Variants in APOLD1 observed in about 807,000 individuals in gnomAD.
APOLD1 encodes the protein apolipoprotein L domain-containing protein 1.
A neutral mutation model predicts 15.3 loss-of-function variants in APOLD1; 22 were observed. The observed-to-expected ratio is 1.44, with a 90% CI of 1.03 to 2.05. The LOEUF is 2.05. Among genes scored for constraint, APOLD1 ranks in the 30% most tolerant of loss-of-function variants. The pLI is 0.00. For synonymous variants in APOLD1, 190 were observed against 167.4 expected (o/e 1.13, Z -1.04); for missense variants, 394 against 353.5 (o/e 1.11, Z -0.92).
intron 1 of APOLD1, among the ~76,000 whole-genome samples, chr12:12,768,478 AAAAAC>A (rs1410493268): frequency 1.3e-5 from 2 of 152,000 alleles, no homozygotes; most frequent in African/African-American, 4.8e-5. Flanking sequence ...ACAGAAAATT[AAAAAC>A]AAAACAAAAC....
At chr12:12,786,343 G>C (rs1179254191) in intron 1 of APOLD1, among the ~76,000 whole-genome samples, 1 of 152,146 alleles carries the variant, frequency 6.6e-6, no homozygotes, top group African/African-American at 2.4e-5. Context: ...ATCACAAGCA[G>C]AAGAGTTGCT....
chr12:12,750,345 C>G (rs928637668), intron 1 of APOLD1, among the ~76,000 whole-genome samples: 9 of 123,790 alleles, frequency 7.3e-5, no homozygotes, highest in African/African-American at 2.6e-4. Flanking sequence ...GCATTTCAGC[C>G]TGGTCAACAA....
intron 1 of APOLD1, 183 bp from the exon 2 acceptor site, chr12:12,786,726 G>T (rs1947127489): frequency 1.0e-6 from 1 of 985,264 alleles, no homozygotes; most frequent in African/African-American, 1.7e-5. Flanking sequence ...GGCTCCCCCC[G>T]GATTCCAGAA....
At chr12:12,760,157 C>T (rs59812149) in intron 1 of APOLD1, among the ~76,000 whole-genome samples, 20,261 of 151,938 alleles carry the variant, frequency 0.13, 1,495 homozygotes, top group South Asian at 0.25. Flanking sequence ...GGCAACATGA[C>T]GAAACCCCCT....
chr12:12,757,204 C>T (rs946482101), intron 1 of APOLD1, among the ~76,000 whole-genome samples: 10 of 152,172 alleles, frequency 6.6e-5, no homozygotes, highest in East Asian at 3.8e-4. Flanking sequence ...GACTCAGGCT[C>T]ATGTTTTCAG....
intron 1 of APOLD1, among the ~76,000 whole-genome samples, chr12:12,732,824 G>T (rs1946651281): frequency 6.6e-6 from 1 of 151,436 alleles, no homozygotes; most frequent in Non-Finnish European, 1.5e-5. Context: ...TATGACTAAA[G>T]ATATATTTAT....
Position 12,788,912 on chromosome 12 carries a change from G to C in APOLD1, c.*1260G>C, listed in dbSNP as rs1030179973. 2 of 152,152 alleles carry C rather than the reference G, an allele frequency of 1.3e-5. No homozygotes were observed. Among genetic ancestry groups the C allele is most frequent in the Admixed American group, 6.5e-5 (1 of 15,268 alleles). 9.4% of individuals were successfully genotyped at this position (152,152 alleles called of 1,614,324 possible). A position where few individuals can be genotyped will look rare whatever the true frequency, so the allele number is the denominator to read the frequency against. On this transcript the variant is annotated 3_prime_UTR_variant, in exon 2 of 2. Transcript: ENST00000356591. ...AATGAGAGAGAGAGAGAGAGAGCAC[G>C]CGTACGTGCACCCTGGGGCAGTGTC... is the stretch of plus-strand genomic sequence containing the variant.
At chr12:12,765,181 A>T (rs1946934735) in intron 1 of APOLD1, among the ~76,000 whole-genome samples, 1 of 152,136 alleles carries the variant, frequency 6.6e-6, no homozygotes, top group African/African-American at 2.4e-5. Flanking sequence ...TCCAATCATG[A>T]TGGAAGGTGA....
intron 1 of APOLD1, chr12:12,726,267 A>G: frequency 1.4e-6 from 1 of 726,054 alleles, no homozygotes; most frequent in Non-Finnish European, 2.4e-6. Flanking sequence ...TATTGAATTA[A>G]ATTTTAAAAA....
chr12:12,754,589 C>A (rs1301635639), intron 1 of APOLD1, among the ~76,000 whole-genome samples: 8 of 152,014 alleles, frequency 5.3e-5, no homozygotes, highest in Non-Finnish European at 4.4e-5. Flanking sequence ...GCTGTGACTA[C>A]CTGGCTAATT....
At chr12:12,773,249 G>A (rs1947001900) in intron 1 of APOLD1, among the ~76,000 whole-genome samples, 1 of 152,124 alleles carries the variant, frequency 6.6e-6, no homozygotes, top group Non-Finnish European at 1.5e-5. Flanking sequence ...AGAAAAAGAA[G>A]AACAAATTAA....
At chr12:12,777,889 G>GTTTTTTT (rs71436735) in intron 1 of APOLD1, among the ~76,000 whole-genome samples, 11 of 117,124 alleles carry the variant, frequency 9.4e-5, no homozygotes, top group Non-Finnish European at 1.4e-4. Flanking sequence ...AAGGAAAGGT[G>GTTTTTTT]TTTTTTTTTT....
At chr12:12,733,129 C>T (rs1012135310) in intron 1 of APOLD1, among the ~76,000 whole-genome samples, 2 of 147,976 alleles carry the variant, frequency 1.4e-5, no homozygotes, top group African/African-American at 5.0e-5. Context: ...GCCTGGGCAA[C>T]GTGGTGAAAC....
chr12:12,735,458 C>T (rs1446500866), intron 1 of APOLD1, among the ~76,000 whole-genome samples: 1 of 152,008 alleles, frequency 6.6e-6, no homozygotes. Context: ...GTGAGCCAAG[C>T]AGAACACAGT....
At chr12:12,738,121 A>G (rs2136371908) in intron 1 of APOLD1, among the ~76,000 whole-genome samples, 1 of 150,190 alleles carries the variant, frequency 6.7e-6, no homozygotes, top group African/African-American at 2.4e-5. Context: ...CTATTTTATT[A>G]TTATGTTTTT....
intron 1 of APOLD1, among the ~76,000 whole-genome samples, chr12:12,774,743 A>C (rs1947018955): frequency 6.6e-6 from 1 of 152,062 alleles, no homozygotes; most frequent in South Asian, 2.1e-4. Context: ...TCACAACAGC[A>C]ATGAGGTACC....
chr12:12,787,178 GC>G lies in APOLD1; in HGVS notation c.274del (p.Leu92TrpfsTer18), dbSNP rs895086414. 1.9e-6 allele frequency: 3 copies of G among 1,538,688 alleles called. No individual in the cohort carries two copies. The highest frequency in any genetic ancestry group is 2.3e-5 in the East Asian group (1 of 44,288). On this transcript the variant is annotated frameshift_variant, in exon 2 of 2. Transcript: ENST00000356591. LOFTEE classifies it high-confidence loss of function. The surrounding 1 kb of genome is among the most constrained non-coding windows in gnomAD (Gnocchi z 4.9). ...CCTCGCTGCTGGTGTCGGCCGTGGG[GC>G]TGGGGGTGGCCACAGCCGGAGGGGC... is the stretch of plus-strand genomic sequence containing the variant. ...GTSLLVSAVGLGVATAGGAVT... is the reference protein window; with the variant it reads ...GTSLLVSAVGXGVATAGGAVT...
chr12:12,761,191 A>C (rs1362762088), intron 1 of APOLD1, among the ~76,000 whole-genome samples: 1 of 152,252 alleles, frequency 6.6e-6, no homozygotes, highest in African/African-American at 2.4e-5. Flanking sequence ...TTTGCTGGTC[A>C]GATTAGTTCA....
In APOLD1 at chr12:12,774,211, C is replaced by G. The variant is rs549236519; in HGVS notation, c.97-12698C>G. On this transcript the variant is annotated intron_variant, in intron 1 of 1. Coordinates refer to the APOLD1 transcript ENST00000326765. ...GACATATTTGATAAAGGACTGTTAT[C>G]CAAAATATACAAAGAACTCTTAAAA... 5.3e-5 allele frequency among the ~76,000 whole-genome samples: 8 copies of G among 151,980 alleles called. No individual in the cohort carries two copies. The South Asian group carries it at 8.3e-4, about 16-fold the overall frequency.
Sources: gnomAD v4.1 joint callset for allele counts (sites outside exome capture counted in the v4.1 genomes callset) on GRCh38, gnomAD v4.1.1 for gene constraint, Gnocchi (gnomAD v3.1) non-coding constraint, MANE v1.5 for transcripts, NCBI Gene and HGNC (gene_info 2026-07-23, HGNC 2026-07-21) for gene names.